CYP1A1: variants seen among roughly 807,000 people sequenced by gnomAD.
CYP1A1 encodes the protein cytochrome P450 family 1 subfamily A member 1, also known as cytochrome P450 1A1.
A neutral mutation model predicts 33.6 loss-of-function variants in CYP1A1; 43 were observed. The observed-to-expected ratio is 1.28, with a 90% confidence interval of 1.00 to 1.65. The LOEUF (loss-of-function observed/expected upper bound fraction) is 1.65. CYP1A1 is among the 40% of genes most tolerant of loss of function. The pLI, the probability that CYP1A1 is intolerant of heterozygous loss-of-function variation, is 0.00. For missense variants in CYP1A1, 637 were observed against 653.7 expected (o/e 0.97, Z 0.28); for synonymous variants, 280 against 257.8 (o/e 1.09, Z -0.83).
Position 74,721,588 on chromosome 15 carries a change from T to C in CYP1A1, c.952+3A>G. 3 of 1,614,158 alleles carry C rather than the reference T, an allele frequency of 1.9e-6. No homozygotes were observed. Among genetic ancestry groups the C allele is most frequent in the South Asian group, 1.1e-5 (1 of 91,084 alleles). ...CAGGAAGGACACAATGGGGTAACCA[T>C]ACCAGCTCCAAAGAGGTCCAAGACG... On this transcript the variant is annotated splice_donor_region_variant and intron_variant, in intron 3 of 6. Transcript: ENST00000379727.
intron 2 of CYP1A1, 88 bp from the exon 3 acceptor site, chr15:74,721,805 C>T (rs2063172751): frequency 2.0e-6 from 3 of 1,529,868 alleles, no homozygotes; most frequent in African/African-American, 1.4e-5. Context: ...ATTCCTAGCA[C>T]ATTTGTTCTG....
chr15:74,725,029 C>G (rs2063204574), intron 1 of CYP1A1: 1 of 152,280 alleles, frequency 6.6e-6, no homozygotes, highest in Non-Finnish European at 1.5e-5. Flanking sequence ...AAGAACCCAG[C>G]CCACCCCCTC....
At position 74,722,769 on chromosome 15, in the gene CYP1A1, T is replaced by C; in HGVS notation, c.329A>G (p.Tyr110Cys). The change falls in exon 2 of 7, where the codon TAC (tyrosine) becomes TGC (cysteine). Residue 110 changes from tyrosine (Y) to cysteine (C), a missense_variant. By Grantham distance (194) the Tyr-to-Cys change is radical. Transcript: ENST00000379727. ...GDDFKGRPDL[Y>C]TFTLISNGQS... ...ACCATTACTGATGAGGGTGAAGGTG[T>C]AGAGGTCGGGCCGGCCCTTGAAATC... The C allele has an allele frequency of 1.9e-6, 3 of 1,613,568 alleles. No homozygotes were observed. The highest frequency in any genetic ancestry group is 2.5e-6 in the Non-Finnish European group (3 of 1,179,960).
Position 74,720,303 on chromosome 15 carries a change from G to A in CYP1A1, c.*186C>T, listed in dbSNP as rs4986880. On this transcript the variant is annotated 3_prime_UTR_variant, in exon 7 of 7. Coordinates refer to ENST00000379727, the MANE Select transcript of CYP1A1 (RefSeq NM_001319217.2). ...ACCTGTTGTCTCTGGAGGGTGTGCA[G>A]AGGCAAGTCCAGGGTAGGGGCAGGC... 4,628 of 536,110 alleles carry A rather than the reference G, an allele frequency of 8.6e-3. 181 individuals carry two copies. Among genetic ancestry groups the A allele is most frequent in the African/African-American group, 0.08 (4,172 of 51,844 alleles). The allele number at this position is 536,110 out of a possible 1,614,324, so 33.2% of individuals were successfully genotyped here.
At position 74,721,252 on chromosome 15, in the gene CYP1A1, G is replaced by T; in HGVS notation, c.1113C>A (p.Phe371Leu). 2 of 1,613,918 alleles carry T rather than the reference G, an allele frequency of 1.2e-6. No individual in the cohort carries two copies. The highest frequency in any genetic ancestry group is 1.1e-5 in the South Asian group (1 of 91,054). The stretch of plus-strand genomic sequence containing the variant: ...AAGAGTGTCGGAAGGTCTCCAGGAT[G>T]AAGGCCTCCATATAGGGCAGATGGG... Reference protein sequence around the residue: ...DRSHLPYMEAFILETFRHSSF... With the variant: ...DRSHLPYMEALILETFRHSSF... Residue 371 changes from phenylalanine (F) to leucine (L), a missense_variant, in exon 5 of 7, where the codon TTC (phenylalanine) becomes TTA (leucine). Transcript: ENST00000379727.
intron 1 of CYP1A1, among the ~76,000 whole-genome samples, chr15:74,723,892 T>C (rs1341787435): frequency 1.3e-5 from 2 of 152,156 alleles, no homozygotes; most frequent in Non-Finnish European, 2.9e-5. Flanking sequence ...GAAGGAATTT[T>C]CCCAGAACCC....
chr15:74,723,308 CCTT>C (rs1233533618), intron 1 of CYP1A1, among the ~76,000 whole-genome samples, 182 bp from the exon 2 acceptor site: 1 of 152,122 alleles, frequency 6.6e-6, no homozygotes. Flanking sequence ...ATTTCACAGT[CCTT>C]CTTCATTCAG....
chr15:74,724,636 G>A lies in CYP1A1; in HGVS notation c.-30+805C>T, dbSNP rs914104746. ...ATAGTGGAGGGAGGCTTCCTGGAGG[G>A]GCTAAATATCAAAGCACACTAGATC... On this transcript the variant is annotated intron_variant, in intron 1 of 6. Transcript: ENST00000379727. Among the ~76,000 whole-genome samples the A allele has an allele frequency of 8.7e-5, 13 of 149,386 alleles. No homozygotes were observed. In the East Asian group the frequency reaches 2.6e-3, roughly 29 times the overall value.
Position 74,722,660 on chromosome 15 carries a change from G to A in CYP1A1, c.438C>T (p.Ser146=). The A allele has an allele frequency of 1.2e-6, 2 of 1,613,932 alleles. No individual in the cohort carries two copies. The highest frequency in any genetic ancestry group is 1.1e-5 in the South Asian group (1 of 91,090). The stretch of plus-strand genomic sequence containing the variant: ...TTGAGGAGGCTGGGTCAGAGGCAAT[G>A]GAGAAACTTTTCAGGCCATTCTGGG... ...RLAQNGLKSF[S]IASDPASSTS... is the part of the protein sequence containing the mutation. The change falls in exon 2 of 7, where the codon TCC becomes TCT. Residue 146 remains serine, a synonymous_variant. Coordinates refer to ENST00000379727, the MANE Select transcript of CYP1A1 (RefSeq NM_001319217.2).
chr15:74,721,129 C>T (rs1241070040), intron 5 of CYP1A1, 70 bp downstream of exon 5: 1 of 1,609,262 alleles, frequency 6.2e-7, no homozygotes, highest in East Asian at 2.2e-5. Context: ...GTCCCTCCCA[C>T]TAACCCTAAT....
At chr15:74,725,405 G>C (rs933372527) in intron 1 of CYP1A1, 36 bp downstream of exon 1, 5 of 152,276 alleles carry the variant, frequency 3.3e-5, no homozygotes, top group African/African-American at 4.8e-5. Context: ...TTTATTGGGA[G>C]AGAAAGGGCA....
At position 74,723,109 on chromosome 15, in the gene CYP1A1, G is replaced by T; in HGVS notation, c.-12C>A. 6.5e-7 allele frequency: 1 copy of T among 1,529,762 alleles called. No individual in the cohort carries two copies. Among genetic ancestry groups the T allele is most frequent in the South Asian group, 1.3e-5 (1 of 78,364 alleles). 94.8% of individuals were successfully genotyped at this position (1,529,762 alleles called of 1,614,324 possible). On this transcript the variant is annotated 5_prime_UTR_variant, in exon 2 of 7. Transcript: ENST00000379727. The stretch of plus-strand genomic sequence containing the variant: ...ATTGGGAAAAGCATGATCAGTGTAG[G>T]GATCTTGGAGGTGGCTGCTGAGAGA...
rs989474773 is a variant in CYP1A1, at chr15:74,721,470, C to T, written c.986G>A (p.Ser329Asn). The T allele has an allele frequency of 1.9e-6, 3 of 1,614,056 alleles. No homozygotes were observed. The highest frequency in any genetic ancestry group is 2.7e-5 in the African/African-American group (2 of 74,904). The change falls in exon 4 of 7, where the codon AGC (serine) becomes AAC (asparagine). Residue 329 changes from serine (S) to asparagine (N), a missense_variant. Physicochemically the swap from Ser to Asn is conservative, Grantham distance 46. Transcript: ENST00000379727. ...FDTVTTAISW[S>N]LMYLVMNPRV... is the part of the protein sequence containing the mutation. ...GGGGTTCATCACCAAATACATGAGG[C>T]TCCAGGAGATAGCAGTTGTGACTGT...
At position 74,720,957 on chromosome 15, in the gene CYP1A1, C is replaced by G; in HGVS notation, c.1253+10G>C. The G allele has an allele frequency of 6.2e-7, 1 of 1,613,962 alleles. No homozygotes were observed. The highest frequency in any genetic ancestry group is 8.5e-7 in the Non-Finnish European group (1 of 1,179,828). The stretch of plus-strand genomic sequence containing the variant: ...TGGACCCAGCCTTTCCTCTGCATCT[C>G]TGAACTTACTGGTCATGGTTGATCT... On this transcript the variant is annotated intron_variant, in intron 6 of 6. Coordinates refer to ENST00000379727, the MANE Select transcript of CYP1A1 (RefSeq NM_001319217.2).
chr15:74,720,598 C>T lies in CYP1A1; in HGVS notation c.1430G>A (p.Arg477Gln), dbSNP rs140680363. 2.3e-5 allele frequency: 37 copies of T among 1,613,906 alleles called. No homozygotes were observed. The East Asian group carries it at 2.4e-4, about 11-fold the overall frequency. The change falls in exon 7 of 7, where the codon CGG becomes CAG. Residue 477 changes from arginine (R) to glutamine (Q), a missense_variant. By Grantham distance (43) the Arg-to-Gln change is conservative (BLOSUM62 1). Coordinates refer to ENST00000379727, the MANE Select transcript of CYP1A1 (RefSeq NM_001319217.2). ...GCCCAGTGGCACGCTGAATTCCACC[C>T]GTTGCAGCAGGATAGCCAGGAAGAG... The part of the protein sequence containing the change: ...VFLFLAILLQ[R>Q]VEFSVPLGVK...
rs1284361340 is a variant in CYP1A1, at chr15:74,720,538, G to T, written c.1490C>A (p.Thr497Asn). Reference sequence around the variant, plus strand: ...GTGCTCACAGCAGGCATGCTTCATGGTTAGCCCATAGATGGGGGTCATGTC... The same window carrying T: ...GTGCTCACAGCAGGCATGCTTCATGTTTAGCCCATAGATGGGGGTCATGTC... The part of the protein sequence containing the change: ...KVDMTPIYGL[T>N]MKHACCEHFQ... Residue 497 changes from threonine to asparagine, a missense_variant, in exon 7 of 7, where the codon ACC (threonine) becomes AAC (asparagine). Coordinates refer to ENST00000379727, the MANE Select transcript of CYP1A1 (RefSeq NM_001319217.2). 1 of 1,605,132 alleles carries T rather than the reference G, an allele frequency of 6.2e-7. No homozygotes were observed. The highest frequency in any genetic ancestry group is 8.5e-7 in the Non-Finnish European group (1 of 1,175,686).
At chr15:74,720,889 C>T in intron 6 of CYP1A1, 78 bp downstream of exon 6, 1 of 1,557,064 alleles carries the variant, frequency 6.4e-7, no homozygotes, top group South Asian at 1.1e-5. Context: ...ACAGGAGGAT[C>T]AATGCAATGA....
rs1385756734 is a variant in CYP1A1, at chr15:74,720,373, C to G, written c.*116G>C. Reference sequence around the variant, plus strand: ...CACAGCCCAGATAGCAAAACTGCAGCCAGATCAGTGTCTATGAGTTTCAGG... The same window carrying G: ...CACAGCCCAGATAGCAAAACTGCAGGCAGATCAGTGTCTATGAGTTTCAGG... On this transcript the variant is annotated 3_prime_UTR_variant, in exon 7 of 7. Coordinates refer to ENST00000379727, the MANE Select transcript of CYP1A1 (RefSeq NM_001319217.2). 4.9e-6 allele frequency: 6 copies of G among 1,230,578 alleles called. No homozygotes were observed. The highest frequency in any genetic ancestry group is 6.7e-6 in the Non-Finnish European group (6 of 900,494). The allele number at this position is 1,230,578 out of a possible 1,614,324, so 76.2% of individuals were successfully genotyped here.
chr15:74,722,034 T>C, intron 2 of CYP1A1: 2 of 593,912 alleles, frequency 3.4e-6, no homozygotes, highest in South Asian at 2.1e-5. Context: ...TGCCCCAGGG[T>C]CCTGCATGTA....
Sources: allele counts gnomAD v4.1 joint callset (sites outside exome capture counted in the v4.1 genomes callset), GRCh38; gene constraint gnomAD v4.1.1; transcripts MANE v1.5; gene names NCBI Gene and HGNC (gene_info 2026-07-23, HGNC 2026-07-21).